Variants in DDHD1 observed in about 807,000 individuals in gnomAD.
The protein encoded by DDHD1 is DDHD domain containing 1.
A neutral mutation model predicts 96.4 loss-of-function variants in DDHD1; 49 were observed. That is an observed-to-expected ratio of 0.51 (90% CI 0.40 to 0.64). DDHD1 has a LOEUF of 0.64. Among genes scored for constraint, DDHD1 ranks in the 30% least tolerant of loss-of-function variants. The pLI is 0.00. For missense variants in DDHD1, 1,106 were observed against 1,161.2 expected, an observed-to-expected ratio of 0.95 and a Z score of 0.69; for synonymous variants, 442 against 446.5, an observed-to-expected ratio of 0.99 and a Z score of 0.13.
chr14:53,100,531 T>C (rs541197693), intron 2 of DDHD1, among the ~76,000 whole-genome samples: 1 of 152,248 alleles, frequency 6.6e-6, no homozygotes, highest in East Asian at 1.9e-4. Flanking sequence ...CACTCCATTT[T>C]ATTAAAGGGA....
At position 53,058,533 on chromosome 14, in the gene DDHD1, A is replaced by G. The variant is rs1883264882; in HGVS notation, c.1936T>C (p.Leu646=). The G allele has an allele frequency of 1.9e-6, 3 of 1,613,716 alleles. No individual in the cohort carries two copies. Among genetic ancestry groups the G allele is most frequent in the Non-Finnish European group, 2.5e-6 (3 of 1,179,928 alleles). Reference sequence around the variant, plus strand: ...AACCGGTTACAAATCTCTCTAGGCAAAATATGGTCTTGACTTCCAGTATTT... The same window carrying G: ...AACCGGTTACAAATCTCTCTAGGCAGAATATGGTCTTGACTTCCAGTATTT... ...PGNTGSQDHI[L]PREICNRLLN... is the part of the protein sequence containing the mutation. The change falls in exon 9 of 13, where the codon TTG becomes CTG. Residue 646 remains leucine, a synonymous_variant. Transcript: ENST00000673822.
At chr14:53,115,377 C>T (rs2054740514) in intron 1 of DDHD1, among the ~76,000 whole-genome samples, 1 of 152,070 alleles carries the variant, frequency 6.6e-6, no homozygotes, top group African/African-American at 2.4e-5. Context: ...ACACAGAGAC[C>T]ACCACTAAGA....
chr14:53,127,008 A>C (rs1429044118), intron 1 of DDHD1, among the ~76,000 whole-genome samples: 1 of 152,186 alleles, frequency 6.6e-6, no homozygotes, highest in Non-Finnish European at 1.5e-5. Context: ...AAAAGAACAG[A>C]GAAAAAGGAG....
chr14:53,060,939 G>A (rs1883495961), intron 8 of DDHD1, among the ~76,000 whole-genome samples, 187 bp downstream of exon 8: 3 of 152,080 alleles, frequency 2.0e-5, no homozygotes, highest in African/African-American at 7.2e-5. Flanking sequence ...TGAGGACTGG[G>A]GAACTGACTT....
rs1266806996 is a variant in DDHD1, at chr14:53,044,929, A to G, written c.*1839T>C. The G allele has an allele frequency of 1.3e-5, 2 of 152,174 alleles. No individual in the cohort carries two copies. Among genetic ancestry groups the G allele is most frequent in the African/African-American group, 2.4e-5 (1 of 41,448 alleles). 9.4% of individuals were successfully genotyped at this position (152,174 alleles called of 1,614,324 possible). A position where few individuals can be genotyped will look rare whatever the true frequency, so the allele number is the denominator to read the frequency against. On this transcript the variant is annotated 3_prime_UTR_variant, in exon 13 of 13. Transcript: ENST00000673822. ...ACAATGATTATTGGGAAGCTAAGCAATTCCTTGCAAGTTAAGAAAAGACAG... is the reference window on the plus strand; with the variant it reads ...ACAATGATTATTGGGAAGCTAAGCAGTTCCTTGCAAGTTAAGAAAAGACAG...
chr14:53,141,987 C>CTGGTG (rs1235890379), intron 1 of DDHD1, among the ~76,000 whole-genome samples: 1 of 152,014 alleles, frequency 6.6e-6, no homozygotes, highest in African/African-American at 2.4e-5. Flanking sequence ...ACCAGCCTGG[C>CTGGTG]TTAGCTAACA....
chr14:53,097,847 CT>C (rs1212532784), intron 2 of DDHD1, among the ~76,000 whole-genome samples: 2 of 151,892 alleles, frequency 1.3e-5, no homozygotes, highest in Non-Finnish European at 2.9e-5. Context: ...ACAAACACCC[CT>C]ATACACAGAG....
intron 8 of DDHD1, among the ~76,000 whole-genome samples, chr14:53,059,669 G>A (rs1458019035): frequency 1.3e-5 from 2 of 149,030 alleles, no homozygotes. Flanking sequence ...TTCGAGACCA[G>A]CCTGGCCAAC....
intron 12 of DDHD1, among the ~76,000 whole-genome samples, chr14:53,048,104 C>G (rs542167793): frequency 6.6e-6 from 1 of 152,112 alleles, no homozygotes; most frequent in Non-Finnish European, 1.5e-5. Context: ...CATATAAATG[C>G]TTAGTTAATG....
chr14:53,072,139 G>C (rs1884561986), intron 6 of DDHD1, among the ~76,000 whole-genome samples: 1 of 151,938 alleles, frequency 6.6e-6, no homozygotes, highest in African/African-American at 2.4e-5. Flanking sequence ...AATGCATTTG[G>C]TGGAGATTCT....
intron 2 of DDHD1, 146 bp from the exon 3 acceptor site, chr14:53,093,590 A>T: frequency 9.4e-7 from 1 of 1,063,224 alleles, no homozygotes; most frequent in Non-Finnish European, 1.3e-6. Flanking sequence ...TATTTCACAT[A>T]AAAAAAGTTA....
chr14:53,081,706 A>G (rs549060658), intron 4 of DDHD1, among the ~76,000 whole-genome samples: 1 of 152,338 alleles, frequency 6.6e-6, no homozygotes, highest in Non-Finnish European at 1.5e-5. Context: ...ACTTGGAAAC[A>G]CTACATCTGC....
At chr14:53,150,074 C>T (rs1410480876) in intron 1 of DDHD1, 1 of 152,214 alleles carries the variant, frequency 6.6e-6, no homozygotes, top group Non-Finnish European at 1.5e-5. Context: ...CAAACACCAT[C>T]CCTCACATAC....
At chr14:53,111,638 C>A (rs959686473) in intron 1 of DDHD1, among the ~76,000 whole-genome samples, 3 of 151,776 alleles carry the variant, frequency 2.0e-5, no homozygotes, top group Admixed American at 6.6e-5. Flanking sequence ...TTTATTACCC[C>A]CCCCCAAAAA....
At chr14:53,098,357 T>C (rs1273069529) in intron 2 of DDHD1, among the ~76,000 whole-genome samples, 1 of 152,014 alleles carries the variant, frequency 6.6e-6, no homozygotes, top group African/African-American at 2.4e-5. Context: ...AAAGAAACTT[T>C]CTGCATTATA....
Position 53,133,314 on chromosome 14 carries a change from G to A in DDHD1, c.838+18947C>T, listed in dbSNP as rs182864161. ...CTGGGTAAACACTTTCACTGGATGG[G>A]TAGAGGCCTTTCCCACACGGTCTGA... On this transcript the variant is annotated intron_variant, in intron 1 of 12. Coordinates refer to ENST00000673822, the MANE Select transcript of DDHD1 (RefSeq NM_001160148.2). 2.0e-3 allele frequency among the ~76,000 whole-genome samples: 303 copies of A among 152,302 alleles called. 1 individual carries two copies. Among genetic ancestry groups the A allele is most frequent in the Non-Finnish European group, 3.5e-3 (240 of 68,026 alleles).
At chr14:53,079,292 A>C (rs370947406) in intron 4 of DDHD1, among the ~76,000 whole-genome samples, 2 of 146,964 alleles carry the variant, frequency 1.4e-5, no homozygotes, top group Admixed American at 6.8e-5. Context: ...ATTTTTCTCT[A>C]TTTTTTTTTT....
intron 1 of DDHD1, among the ~76,000 whole-genome samples, chr14:53,116,210 C>T: frequency 6.6e-6 from 1 of 152,144 alleles, no homozygotes; most frequent in East Asian, 1.9e-4. Flanking sequence ...TACGGGAGCA[C>T]CCAGATTCAT....
intron 7 of DDHD1, among the ~76,000 whole-genome samples, 168 bp downstream of exon 7, chr14:53,062,775 T>C (rs1326414793): frequency 6.6e-6 from 1 of 152,194 alleles, no homozygotes; most frequent in Non-Finnish European, 1.5e-5. Context: ...TGCATGTAAT[T>C]AGCATGAAAA....
Sources: allele counts gnomAD v4.1 joint callset (sites outside exome capture counted in the v4.1 genomes callset), GRCh38; gene constraint gnomAD v4.1.1; transcripts MANE v1.5; gene names NCBI Gene and HGNC (gene_info 2026-07-23, HGNC 2026-07-21).